The following POU2F1 variants were observed in gnomAD, a reference collection of about 807,000 sequenced individuals.
The protein encoded by POU2F1 is POU domain, class 2, transcription factor 1.
POU2F1 carries 16 observed loss-of-function variants against 84.9 expected under a neutral mutation model. The ratio of observed to expected loss-of-function variants is 0.19; its 90% CI spans 0.13 to 0.29. The LOEUF (loss-of-function observed/expected upper bound fraction) is 0.29. POU2F1 is among the 10% of genes least tolerant of loss of function. The probability of loss-of-function intolerance (pLI) is 1.00; values close to 1 mark genes in which losing one functional copy is unlikely to be tolerated. For synonymous variants in POU2F1, 368 were observed against 368.3 expected, an observed-to-expected ratio of 1.00 and a Z score of 0.01; for missense variants, 738 against 942.6, an observed-to-expected ratio of 0.78 and a Z score of 2.84.
At chr1:167,307,223 G>A (rs1655132056) in intron 1 of POU2F1, among the ~76,000 whole-genome samples, 1 of 152,144 alleles carries the variant, frequency 6.6e-6, no homozygotes, top group African/African-American at 2.4e-5. Flanking sequence ...TCAAAACCCA[G>A]TGCTTAGATC....
At chr1:167,334,662 TG>T (rs2101735899) in intron 2 of POU2F1, among the ~76,000 whole-genome samples, 1 of 152,338 alleles carries the variant, frequency 6.6e-6, no homozygotes, top group Admixed American at 6.5e-5. Flanking sequence ...ATAGAATGTG[TG>T]GCAGACTGGT....
rs1477132633 is a variant in POU2F1, at chr1:167,353,327, TTC to T, written c.128-12138_128-12137del. 2.6e-5 allele frequency among the ~76,000 whole-genome samples: 4 copies of T among 152,224 alleles called. No individual in the cohort carries two copies. In the East Asian group the frequency reaches 7.7e-4, roughly 29 times the overall value. On this transcript the variant is annotated intron_variant, in intron 2 of 15. Coordinates refer to ENST00000367866, the MANE Select transcript of POU2F1 (RefSeq NM_002697.4). ...CCTCCCTCTTCAATACTTTACATTTTTCTGTTTTTACCTACCTTCTCCTTTTT... is the reference window on the plus strand; with the variant it reads ...CCTCCCTCTTCAATACTTTACATTTTTGTTTTTACCTACCTTCTCCTTTTT...
chr1:167,260,640 G>A (rs1348601212), intron 1 of POU2F1, among the ~76,000 whole-genome samples: 1 of 152,170 alleles, frequency 6.6e-6, no homozygotes, highest in Non-Finnish European at 1.5e-5. Context: ...CATTGCCAAA[G>A]CTCTGTCATA....
chr1:167,258,968 C>A (rs538532365), intron 1 of POU2F1, among the ~76,000 whole-genome samples: 1 of 152,152 alleles, frequency 6.6e-6, no homozygotes, highest in Non-Finnish European at 1.5e-5. Context: ...CCAGATTTTG[C>A]GTACAGGCTG....
rs890647965 is a variant in POU2F1, at chr1:167,329,288, T to C, written c.62-3182T>C. ...AGAAGATTTCACAGCAATGCTGGAC[T>C]GCAGTGACTATGTTCTAGGTGGGTA... On this transcript the variant is annotated intron_variant, in intron 1 of 15. Coordinates refer to ENST00000367866, the MANE Select transcript of POU2F1 (RefSeq NM_002697.4). The C allele has an allele frequency of 3.2e-6, 5 of 1,549,024 alleles. No individual in the cohort carries two copies. In the African/African-American group the frequency reaches 6.9e-5, roughly 21 times the overall value.
At chr1:167,314,991 C>T (rs1655783088) in intron 1 of POU2F1, among the ~76,000 whole-genome samples, 1 of 152,090 alleles carries the variant, frequency 6.6e-6, no homozygotes, top group South Asian at 2.1e-4. Context: ...GGCAACCCCA[C>T]TCCCCAGTCT....
chr1:167,348,183 G>A (rs1658323313), intron 2 of POU2F1, among the ~76,000 whole-genome samples: 1 of 152,082 alleles, frequency 6.6e-6, no homozygotes, highest in Admixed American at 6.5e-5. Flanking sequence ...TTTCTCCTAG[G>A]CTACAAATCT....
chr1:167,284,457 T>C (rs932704978), intron 1 of POU2F1, among the ~76,000 whole-genome samples: 2 of 152,254 alleles, frequency 1.3e-5, no homozygotes, highest in Admixed American at 6.5e-5. Context: ...AGCTGTGTAT[T>C]GCACTCTTTC....
intron 8 of POU2F1, among the ~76,000 whole-genome samples, chr1:167,386,909 T>A (rs2101887253): frequency 6.6e-6 from 1 of 152,328 alleles, no homozygotes. Flanking sequence ...AGGGAACTTT[T>A]GGGAGTGATG....
chr1:167,298,306 A>G (rs575223339), intron 1 of POU2F1, among the ~76,000 whole-genome samples: 20 of 152,160 alleles, frequency 1.3e-4, no homozygotes, highest in Non-Finnish European at 2.9e-4. Flanking sequence ...AATGCTGGAA[A>G]CACATTAAAG....
intron 2 of POU2F1, among the ~76,000 whole-genome samples, chr1:167,362,605 A>G (rs111656762): frequency 3.3e-5 from 5 of 152,278 alleles, no homozygotes; most frequent in African/African-American, 1.2e-4. Flanking sequence ...TCGAGCTCCT[A>G]GGCTCAAAGG....
intron 1 of POU2F1, among the ~76,000 whole-genome samples, chr1:167,255,120 C>T (rs898085232): frequency 3.9e-5 from 6 of 152,160 alleles, no homozygotes; most frequent in African/African-American, 7.2e-5. Flanking sequence ...GACTCTAATG[C>T]ACGTTTGCTT....
At chr1:167,332,391 T>A (rs1357948485) in intron 1 of POU2F1, 79 bp from the exon 2 acceptor site, 2 of 1,054,018 alleles carry the variant, frequency 1.9e-6, no homozygotes, top group Admixed American at 3.6e-5. Flanking sequence ...AACCCTTTTC[T>A]CTGCCACAGT....
chr1:167,376,208 G>A (rs1660317589), intron 7 of POU2F1, 53 bp downstream of exon 7: 3 of 1,569,628 alleles, frequency 1.9e-6, no homozygotes, highest in Non-Finnish European at 2.6e-6. Flanking sequence ...TTCGCTGAAT[G>A]TTACACATGC....
intron 1 of POU2F1, among the ~76,000 whole-genome samples, chr1:167,325,163 TTAAGTGTTTTCTG>T (rs1656609662): frequency 6.6e-6 from 1 of 152,218 alleles, no homozygotes; most frequent in African/African-American, 2.4e-5. Flanking sequence ...TGAAATATCA[TTAAGTGTTTTCTG>T]TAAGTAAGTT....
chr1:167,329,098 A>G (rs1199618615), intron 1 of POU2F1: 1 of 1,308,690 alleles, frequency 7.6e-7, no homozygotes. Flanking sequence ...GCTATGGTGT[A>G]ACAGAAGTTG....
rs926629331 is a variant in POU2F1, at chr1:167,422,037, C to T, written c.*6227C>T. The T allele has an allele frequency of 3.9e-5, 6 of 152,218 alleles. No homozygotes were observed. The highest frequency in any genetic ancestry group is 2.4e-5 in the African/African-American group (1 of 41,428). The allele number at this position is 152,218 out of a possible 1,614,324, so 9.4% of individuals were successfully genotyped here. A position where few individuals can be genotyped will look rare whatever the true frequency, so the allele number is the denominator to read the frequency against. ...TTTTCCCTGTGATTGGCTTTGGCCT[C>T]TGTGGTCTGGTCTGCAGCAGTGTGT... On this transcript the variant is annotated 3_prime_UTR_variant, in exon 16 of 16. Transcript: ENST00000367866.
chr1:167,354,126 A>C (rs1050828455), intron 2 of POU2F1, among the ~76,000 whole-genome samples: 1 of 152,176 alleles, frequency 6.6e-6, no homozygotes, highest in African/African-American at 2.4e-5. Flanking sequence ...ACTGGATATA[A>C]TATCCCATTG....
intron 1 of POU2F1, among the ~76,000 whole-genome samples, chr1:167,288,257 T>C (rs186781525): frequency 1.3e-5 from 2 of 149,612 alleles, no homozygotes; most frequent in East Asian, 3.9e-4. Context: ...GGCTAACAGA[T>C]ATATTATTCA....
Sources: allele counts gnomAD v4.1 joint callset (sites outside exome capture counted in the v4.1 genomes callset), GRCh38; gene constraint gnomAD v4.1.1; transcripts MANE v1.5; gene names NCBI Gene and HGNC (gene_info 2026-07-23, HGNC 2026-07-21).